Variants in FKBP1B observed in about 807,000 individuals in gnomAD.
FKBP1B encodes FKBP prolyl isomerase 1B.
FKBP1B carries 4 observed loss-of-function variants against 13.5 expected under a neutral mutation model. That is an observed-to-expected ratio of 0.30 (90% CI 0.15 to 0.68). The LOEUF (loss-of-function observed/expected upper bound fraction) is 0.68, where lower values mean the gene tolerates loss of function less well. FKBP1B is among the 30% of genes least tolerant of loss of function. The probability of loss-of-function intolerance (pLI) is 0.76; values close to 1 mark genes in which losing one functional copy is unlikely to be tolerated. For missense variants in FKBP1B, 93 were observed against 136.2 expected, an observed-to-expected ratio of 0.68 and a Z score of 1.58; for synonymous variants, 54 against 53.6, an observed-to-expected ratio of 1.01 and a Z score of -0.03.
At chr2:24,039,333 A>G in the FKBP1B span, 1 of 1,614,252 alleles carries the variant, frequency 6.2e-7, no homozygotes, top group Non-Finnish European at 8.5e-7. Context: ...CAAACTGTCC[A>G]ATGACTTTGG....
the FKBP1B span, among the ~76,000 whole-genome samples, chr2:24,035,876 C>T: frequency 4.6e-5 from 7 of 151,654 alleles, no homozygotes; most frequent in Non-Finnish European, 4.4e-5. Flanking sequence ...TGAGCTCATC[C>T]TGGCCAACAC....
the FKBP1B span, chr2:24,039,645 T>C: frequency 1.4e-6 from 1 of 726,442 alleles, no homozygotes; most frequent in Non-Finnish European, 2.2e-6. Context: ...AGGGGGAGTA[T>C]TATAAATTAA....
chr2:24,035,594 C>A, the FKBP1B span, among the ~76,000 whole-genome samples: 1 of 151,984 alleles, frequency 6.6e-6, no homozygotes, highest in Admixed American at 6.6e-5. Flanking sequence ...CCAGTTATCA[C>A]ATTTATAAAT....
At chr2:24,054,647 C>T (rs1183026987) in intron 2 of FKBP1B, 1 of 164,614 alleles carries the variant, frequency 6.1e-6, no homozygotes, top group East Asian at 1.9e-4. Context: ...CGGATGGGGC[C>T]ATTTTTAGCA....
At chr2:24,041,076 T>C in the FKBP1B span, among the ~76,000 whole-genome samples, 1 of 151,046 alleles carries the variant, frequency 6.6e-6, no homozygotes, top group Non-Finnish European at 1.5e-5. Context: ...CGGTGGCTCA[T>C]GCTTGTAATC....
At position 24,053,016 on chromosome 2, in the gene FKBP1B, TTG is replaced by T. The variant is rs539617569; in HGVS notation, c.38-884_38-883del. Among the ~76,000 whole-genome samples the T allele has an allele frequency of 1.8e-3, 274 of 152,234 alleles. 2 individuals are homozygous for T. The highest frequency in any genetic ancestry group is 6.3e-3 in the African/African-American group (262 of 41,542). ...CTCTAAAAGAACAGGGATAGAGATC[TTG>T]TTTGTAGTGTTCACTGCTGTATCCC... On this transcript the variant is annotated intron_variant, in intron 1 of 3. Transcript: ENST00000380986.
At chr2:24,056,821 G>T (rs1274249775) in intron 2 of FKBP1B, among the ~76,000 whole-genome samples, 4 of 152,108 alleles carry the variant, frequency 2.6e-5, no homozygotes, top group African/African-American at 9.7e-5. Flanking sequence ...CTCCTGAGTA[G>T]CTGGGATTAC....
At chr2:24,045,933 A>T (rs183457866), upstream of FKBP1B, 10 of 152,258 alleles carry the variant, frequency 6.6e-5, no homozygotes, top group Admixed American at 6.5e-4. Flanking sequence ...AGCGTTCCAT[A>T]AAAAAGGAAA....
the FKBP1B span, chr2:24,037,731 G>A: frequency 6.2e-7 from 1 of 1,613,982 alleles, no homozygotes; most frequent in East Asian, 2.2e-5. Context: ...ACACTGAAGA[G>A]GATTTCTTCC....
the FKBP1B span, chr2:24,039,589 C>T: frequency 6.6e-5 from 85 of 1,290,212 alleles, no homozygotes; most frequent in Non-Finnish European, 8.8e-5. Flanking sequence ...GGTAAGACAA[C>T]GGCTTAGCCC....
chr2:24,038,288 C>T, the FKBP1B span: 3 of 1,614,036 alleles, frequency 1.9e-6, no homozygotes, highest in Non-Finnish European at 2.5e-6. Context: ...TGTTTTCCTA[C>T]CAAAATTAGT....
At chr2:24,040,400 A>T in the FKBP1B span, among the ~76,000 whole-genome samples, 34 of 152,352 alleles carry the variant, frequency 2.2e-4, no homozygotes, top group South Asian at 7.0e-3. Flanking sequence ...CTCCTCCATC[A>T]TCTAATTTCT....
rs1238692317 is a variant in FKBP1B at position 24,063,443 on chromosome 2, G to A, written c.*251G>A. ...TTGTGCATTTTGTGTGATGCATGTA[G>A]TAGCCTTTCCTGATGACAGAACACA... On this transcript the variant is annotated 3_prime_UTR_variant, in exon 4 of 4. Transcript: ENST00000380986. 1 of 461,380 alleles carries A rather than the reference G, an allele frequency of 2.2e-6. No individual in the cohort carries two copies. Among genetic ancestry groups the A allele is most frequent in the Non-Finnish European group, 3.8e-6 (1 of 261,056 alleles). 28.6% of individuals were successfully genotyped at this position (461,380 alleles called of 1,614,324 possible). A position where few individuals can be genotyped will look rare whatever the true frequency, so the allele number is the denominator to read the frequency against.
At chr2:24,063,022 G>T in intron 3 of FKBP1B, 42 bp from the exon 4 acceptor site, 1 of 1,614,056 alleles carries the variant, frequency 6.2e-7, no homozygotes, top group Non-Finnish European at 8.5e-7. Flanking sequence ...AATCAAGCTG[G>T]GTCCTCTTTC....
the FKBP1B span, among the ~76,000 whole-genome samples, chr2:24,043,227 T>C: frequency 1.3e-5 from 2 of 152,080 alleles, no homozygotes; most frequent in Non-Finnish European, 1.5e-5. Flanking sequence ...TCCCAGCTAC[T>C]TGGGAGGCTG....
chr2:24,051,682 G>A (rs184110942), intron 1 of FKBP1B, among the ~76,000 whole-genome samples: 5 of 152,254 alleles, frequency 3.3e-5, no homozygotes, highest in Admixed American at 3.3e-4. Context: ...CTTCCCAGAT[G>A]GTGTTTTTTC....
chr2:24,045,168 A>T (rs1348743794), upstream of FKBP1B, among the ~76,000 whole-genome samples: 3 of 152,238 alleles, frequency 2.0e-5, no homozygotes, highest in Non-Finnish European at 4.4e-5. Flanking sequence ...TATTCAAGAG[A>T]TGCTTTTAAG....
the FKBP1B span, chr2:24,038,891 C>T: frequency 1.2e-6 from 2 of 1,614,118 alleles, no homozygotes; most frequent in Non-Finnish European, 1.7e-6. Context: ...TGGCTGTCCA[C>T]ATCAAACACC....
Position 24,050,127 on chromosome 2 carries a change from A to T in FKBP1B, c.37+241A>T, listed in dbSNP as rs1374161712. On this transcript the variant is annotated intron_variant, in intron 1 of 3. Coordinates refer to ENST00000380986, the MANE Select transcript of FKBP1B (RefSeq NM_004116.5). The surrounding 1 kb of genome is among the most constrained non-coding windows in gnomAD (Gnocchi z 5.8). The stretch of plus-strand genomic sequence containing the variant: ...TCGGAGGCGGGGGTCTGCGGCCCGG[A>T]GGCGGGGGTCTGCGGCCCGCCACCG... Among the ~76,000 whole-genome samples the T allele has an allele frequency of 2.0e-5, 3 of 151,252 alleles. No individual in the cohort carries two copies. The highest frequency in any genetic ancestry group is 4.4e-5 in the Non-Finnish European group (3 of 67,780).
Sources: allele counts gnomAD v4.1 joint callset (sites outside exome capture counted in the v4.1 genomes callset), GRCh38; gene constraint gnomAD v4.1.1; non-coding constraint Gnocchi (gnomAD v3.1); transcripts MANE v1.5; gene names NCBI Gene and HGNC (gene_info 2026-07-23, HGNC 2026-07-21).